Variants in ADH4 observed in about 807,000 individuals in gnomAD.
ADH4 encodes alcohol dehydrogenase 4 (class II), pi polypeptide.
A neutral mutation model predicts 35.2 loss-of-function variants in ADH4; 31 were observed. The observed-to-expected ratio is 0.88, with a 90% CI of 0.66 to 1.19. The LOEUF (loss-of-function observed/expected upper bound fraction) is 1.19. ADH4 is among the 50% of genes most tolerant of loss of function. The pLI is 0.00. For synonymous variants in ADH4, 171 were observed against 160.2 expected (o/e 1.07, Z -0.51); for missense variants, 476 against 458.3 (o/e 1.04, Z -0.35).
chr4:99,142,601 A>G (rs1729660357), intron 2 of ADH4, 78 bp downstream of exon 2: 5 of 854,050 alleles, frequency 5.9e-6, no homozygotes, highest in Non-Finnish European at 8.5e-6. Flanking sequence ...GAATCATAGC[A>G]CAGAGGATTG....
In ADH4 at chr4:99,127,234, A is replaced by G; in HGVS notation, c.954T>C (p.Arg318=). 6.2e-7 allele frequency: 1 copy of G among 1,610,694 alleles called. No homozygotes were observed. The highest frequency in any genetic ancestry group is 8.5e-7 in the Non-Finnish European group (1 of 1,178,078). The change falls in exon 7 of 9, where the codon CGT becomes CGC. Residue 318 remains arginine, a synonymous_variant. Transcript: ENST00000265512. ...CACCAAAGAATGTTCCATTTATAGT[A>G]CGGCCGATTATTAGCTCCTCTGGAA... The part of the protein sequence containing the change: ...TIFPEELIIG[R]TINGTFFGGW...
chr4:99,137,158 T>A (rs999277352), intron 4 of ADH4, among the ~76,000 whole-genome samples: 1 of 148,598 alleles, frequency 6.7e-6, no homozygotes, highest in Non-Finnish European at 1.5e-5. Context: ...GACGGAGTCT[T>A]GCTCTGTCGC....
chr4:99,126,010 C>A (rs1323830926), intron 8 of ADH4, among the ~76,000 whole-genome samples: 1 of 152,140 alleles, frequency 6.6e-6, no homozygotes, highest in Non-Finnish European at 1.5e-5. Flanking sequence ...ATCCCCCAAC[C>A]CCTAAGAATC....
Position 99,131,768 on chromosome 4 carries a change from C to A in ADH4, c.583-4G>T, listed in dbSNP as rs1296246656. ...CACAAGTCGAACCAGGGGTGACCTG[C>A]AAGCAGGAAAATTATAAAGTAACTT... On this transcript the variant is annotated splice_polypyrimidine_tract_variant and splice_region_variant and intron_variant, in intron 5 of 8. Transcript: ENST00000265512. The A allele has an allele frequency of 1.2e-6, 2 of 1,607,598 alleles. No individual in the cohort carries two copies. Among genetic ancestry groups the A allele is most frequent in the South Asian group, 2.2e-5 (2 of 89,898 alleles).
intron 5 of ADH4, 62 bp downstream of exon 5, chr4:99,136,404 A>G: frequency 2.9e-6 from 4 of 1,375,932 alleles, no homozygotes; most frequent in Non-Finnish European, 4.1e-6. Flanking sequence ...ACTCTAGTTC[A>G]TCTGTATCAC....
At chr4:99,125,201 G>C (rs1366830904) in intron 8 of ADH4, among the ~76,000 whole-genome samples, 1 of 152,168 alleles carries the variant, frequency 6.6e-6, no homozygotes, top group Non-Finnish European at 1.5e-5. Context: ...CCTCTCTTGT[G>C]CTTCCTGTGC....
At chr4:99,139,215 A>G (rs1440919960) in intron 3 of ADH4, 67 bp from the exon 4 acceptor site, 3 of 1,002,956 alleles carry the variant, frequency 3.0e-6, no homozygotes, top group Non-Finnish European at 4.6e-6. Context: ...CAGATAAATC[A>G]GTGGAAAACA....
At chr4:99,134,923 A>G (rs1199820883) in intron 5 of ADH4, among the ~76,000 whole-genome samples, 1 of 151,130 alleles carries the variant, frequency 6.6e-6, no homozygotes, top group African/African-American at 2.4e-5. Flanking sequence ...GACTTTCTGG[A>G]TTACAAAGCC....
chr4:99,131,482 T>C, intron 6 of ADH4, 22 bp downstream of exon 6: 1 of 1,603,436 alleles, frequency 6.2e-7, no homozygotes, highest in South Asian at 1.1e-5. Flanking sequence ...GAAAATATGA[T>C]CCAAGAACAA....
intron 2 of ADH4, 79 bp from the exon 3 acceptor site, chr4:99,141,761 G>A (rs1004168452): frequency 7.3e-7 from 1 of 1,370,222 alleles, no homozygotes; most frequent in Non-Finnish European, 9.9e-7. Flanking sequence ...GATTAGGCTT[G>A]ATATCATTTT....
rs757531544 is a variant in ADH4 at position 99,136,555 on chromosome 4, T to C, written c.493A>G (p.Lys165Glu). 23 of 1,614,210 alleles carry C rather than the reference T, an allele frequency of 1.4e-5. No homozygotes were observed. Among genetic ancestry groups the C allele is most frequent in the Non-Finnish European group, 1.9e-5 (22 of 1,180,030 alleles). The change falls in exon 5 of 9, where the codon AAA becomes GAA. Residue 165 changes from lysine (K) to glutamate (E), a missense_variant. Coordinates refer to ENST00000265512, the MANE Select transcript of ADH4 (RefSeq NM_000670.5). ...TCTAAATTTGCATCATCATCTATTT[T>C]GGCAAGATTGATATCTGACACCACA... ...YTVVSDINLA[K>E]IDDDANLERV...
At position 99,126,636 on chromosome 4, in the gene ADH4, T is replaced by C; in HGVS notation, c.1076A>G (p.Asp359Gly). Residue 359 changes from aspartate (D) to glycine (G), a missense_variant, in exon 8 of 9, where the codon GAC becomes GGC. Physicochemically the swap from Asp to Gly is moderately conservative, Grantham distance 94 (BLOSUM62 -1). Transcript: ENST00000265512. ...DALVTHTLPF[D>G]KISEAFDLMN... The stretch of plus-strand genomic sequence containing the variant: ...TAGGTCAAATGCCTCACTGATTTTG[T>C]CAAAAGGCAGGGTATGGGTCACCAG... The C allele has an allele frequency of 3.1e-6, 5 of 1,610,174 alleles. No homozygotes were observed. The highest frequency in any genetic ancestry group is 4.2e-6 in the Non-Finnish European group (5 of 1,177,154).
At chr4:99,133,046 G>T (rs17817359) in intron 5 of ADH4, among the ~76,000 whole-genome samples, 31,985 of 151,892 alleles carry the variant, frequency 0.21, 4,036 homozygotes, top group Non-Finnish European at 0.28. Flanking sequence ...TTAATATATT[G>T]CTCCAGAGTC....
chr4:99,128,088 C>G (rs989453654), intron 6 of ADH4, among the ~76,000 whole-genome samples: 4 of 151,844 alleles, frequency 2.6e-5, no homozygotes, highest in Non-Finnish European at 5.9e-5. Context: ...AGCAAAATAC[C>G]TATGTGTTTA....
chr4:99,130,524 T>C (rs1017898127), intron 6 of ADH4, among the ~76,000 whole-genome samples: 1 of 152,186 alleles, frequency 6.6e-6, no homozygotes, highest in Non-Finnish European at 1.5e-5. Flanking sequence ...CTATAGAAAC[T>C]TTTGGTGGGA....
At position 99,140,804 on chromosome 4, in the gene ADH4, T is replaced by C. The variant is rs538410075; in HGVS notation, c.262+737A>G. ...ATTGCTTGAACCCAGGAGGCGGAGGTTGCAGTGAGCTGAGATCGTGCCACT... is the reference window on the plus strand; with the variant it reads ...ATTGCTTGAACCCAGGAGGCGGAGGCTGCAGTGAGCTGAGATCGTGCCACT... On this transcript the variant is annotated intron_variant, in intron 3 of 8. Coordinates refer to ENST00000265512, the MANE Select transcript of ADH4 (RefSeq NM_000670.5). Among the ~76,000 whole-genome samples, 3 of 150,690 alleles carry C rather than the reference T, an allele frequency of 2.0e-5. No individual in the cohort carries two copies. In the South Asian group the frequency reaches 6.3e-4, roughly 32 times the overall value.
intron 5 of ADH4, among the ~76,000 whole-genome samples, 169 bp downstream of exon 5, chr4:99,136,297 A>G (rs992045242): frequency 6.6e-6 from 1 of 152,204 alleles, no homozygotes; most frequent in Admixed American, 6.5e-5. Context: ...AATTATCCTC[A>G]TAAGTATTTG....
intron 6 of ADH4, 114 bp downstream of exon 6, chr4:99,131,390 C>A (rs923940021): frequency 8.5e-7 from 1 of 1,182,738 alleles, no homozygotes; most frequent in Non-Finnish European, 1.2e-6. Flanking sequence ...GTTCTACCAC[C>A]CTGTCATCCA....
intron 3 of ADH4, among the ~76,000 whole-genome samples, chr4:99,139,406 G>A (rs1299756074): frequency 6.6e-6 from 1 of 152,108 alleles, no homozygotes; most frequent in African/African-American, 2.4e-5. Flanking sequence ...AGAACTCTGG[G>A]ACTTTGCTGT....
Sources: allele counts gnomAD v4.1 joint callset (sites outside exome capture counted in the v4.1 genomes callset), GRCh38; gene constraint gnomAD v4.1.1; transcripts MANE v1.5; gene names NCBI Gene and HGNC (gene_info 2026-07-23, HGNC 2026-07-21).